The following CDK11B variants were observed in gnomAD, a reference collection of about 807,000 sequenced individuals.
The protein encoded by CDK11B is cyclin dependent kinase 11B.
In CDK11B, 37 loss-of-function variants were observed where a neutral mutation model predicts 84.0. The ratio of observed to expected loss-of-function variants is 0.44; its 90% CI spans 0.34 to 0.58. The LOEUF (loss-of-function observed/expected upper bound fraction) is 0.58. CDK11B is among the 20% of genes least tolerant of loss of function. CDK11B has a pLI of 0.02. For missense variants in CDK11B, 427 were observed against 834.0 expected (o/e 0.51, Z 6.01); for synonymous variants, 269 against 309.8 (o/e 0.87, Z 1.38).
intron 11 of CDK11B, among the ~76,000 whole-genome samples, chr1:1,639,303 G>A (rs1321636044): frequency 6.6e-6 from 1 of 151,792 alleles, no homozygotes; most frequent in South Asian, 2.1e-4. Context: ...TGTAGTTCCA[G>A]CTACTCAGGA....
chr1:1,654,787 T>C (rs901136828), intron 3 of CDK11B, among the ~76,000 whole-genome samples: 1 of 151,730 alleles, frequency 6.6e-6, no homozygotes, highest in Non-Finnish European at 1.5e-5. Flanking sequence ...GCCTCCCGAG[T>C]AGCTGGGACT....
chr1:1,648,928 C>T (rs1641529998), intron 5 of CDK11B, among the ~76,000 whole-genome samples: 1 of 152,104 alleles, frequency 6.6e-6, no homozygotes, highest in Non-Finnish European at 1.5e-5. Flanking sequence ...GCCACCGCGC[C>T]CGGCCGGACA....
At chr1:1,654,154 C>T (rs770778799) in intron 3 of CDK11B, 5 of 464,828 alleles carry the variant, frequency 1.1e-5, no homozygotes, top group South Asian at 7.7e-5. Context: ...TAATTTCTGG[C>T]TGTGTTTCCT....
At chr1:1,657,154 T>G in intron 2 of CDK11B, 2 of 1,524,922 alleles carry the variant, frequency 1.3e-6, no homozygotes, top group Non-Finnish European at 1.8e-6. Context: ...ATTCTCCATG[T>G]ATGCTCAATC....
intron 3 of CDK11B, among the ~76,000 whole-genome samples, chr1:1,653,848 A>ACACACACACC (rs1483488674): frequency 6.7e-6 from 1 of 149,884 alleles, no homozygotes; most frequent in Non-Finnish European, 1.5e-5. Flanking sequence ...ACACACACAC[A>ACACACACACC]CACACACACA....
intron 4 of CDK11B, 93 bp downstream of exon 4, chr1:1,652,346 T>C: frequency 1.8e-6 from 2 of 1,121,270 alleles, no homozygotes; most frequent in East Asian, 2.8e-5. Context: ...CTTTCTCTGG[T>C]TTTTCAGTGG....
chr1:1,646,581 G>T, intron 5 of CDK11B: 2 of 513,534 alleles, frequency 3.9e-6, no homozygotes, highest in South Asian at 2.8e-5. Flanking sequence ...GGATATTGAC[G>T]TCAACCTACA....
At chr1:1,655,253 G>C in intron 3 of CDK11B, 116 bp downstream of exon 3, 1 of 1,282,156 alleles carries the variant, frequency 7.8e-7, no homozygotes, top group Middle Eastern at 2.1e-4. Context: ...GTAACTCTAG[G>C]AAAGAGTAAA....
At chr1:1,637,291 C>T in intron 14 of CDK11B, 89 bp from the exon 15 acceptor site, 1 of 1,572,530 alleles carries the variant, frequency 6.4e-7, no homozygotes, top group Non-Finnish European at 8.6e-7. Context: ...GCAACAGAGG[C>T]TTCTCAGGGC....
Position 1,639,657 on chromosome 1 carries a change from G to C in CDK11B, c.1251+620C>G, listed in dbSNP as rs1222614163. Reference sequence around the variant, plus strand: ...GGGGCAGAGGCGCTCACAAGGCATAGGGCAGTCGACAGAGGCCTGCTGCAT... The same window carrying C: ...GGGGCAGAGGCGCTCACAAGGCATACGGCAGTCGACAGAGGCCTGCTGCAT... On this transcript the variant is annotated intron_variant, in intron 11 of 19. Coordinates refer to ENST00000341832, the MANE Select transcript of CDK11B (RefSeq NM_033486.3). Among the ~76,000 whole-genome samples the C allele has an allele frequency of 5.3e-5, 8 of 151,864 alleles. 1 individual carries two copies. The highest frequency in any genetic ancestry group is 8.8e-5 in the Non-Finnish European group (6 of 67,864).
intron 1 of CDK11B, among the ~76,000 whole-genome samples, chr1:1,658,354 A>G (rs1306863905): frequency 1.3e-5 from 2 of 149,692 alleles, no homozygotes; most frequent in Admixed American, 6.6e-5. Flanking sequence ...CTGAAAAATG[A>G]CCGCTTGAAA....
At chr1:1,651,300 G>A (rs1641969010) in intron 4 of CDK11B, among the ~76,000 whole-genome samples, 1 of 152,226 alleles carries the variant, frequency 6.6e-6, no homozygotes, top group African/African-American at 2.4e-5. Flanking sequence ...GAAAACCCCA[G>A]AGGAAAAATG....
intron 3 of CDK11B, among the ~76,000 whole-genome samples, chr1:1,652,877 C>T (rs1277185784): frequency 7.9e-5 from 12 of 152,026 alleles, no homozygotes; most frequent in South Asian, 2.1e-4. Flanking sequence ...AGGCGCCCGC[C>T]GCCACGCTGG....
rs1440352857 is a variant in CDK11B, at chr1:1,635,590, C to T, written c.*174G>A. The T allele has an allele frequency of 1.7e-5, 8 of 478,836 alleles. 2 individuals are homozygous for T. The East Asian group carries it at 1.7e-4, about 10-fold the overall frequency. 29.7% of individuals were successfully genotyped at this position (478,836 alleles called of 1,614,324 possible). A position where few individuals can be genotyped will look rare whatever the true frequency, so the allele number is the denominator to read the frequency against. On this transcript the variant is annotated 3_prime_UTR_variant, in exon 20 of 20. Coordinates refer to ENST00000341832, the MANE Select transcript of CDK11B (RefSeq NM_033486.3). ...AGTCACGGAGAAAACACAGCTCTTT[C>T]CTCCACAACAAGGAAAATGATTTAA...
rs374179931 is a variant in CDK11B at position 1,636,805 on chromosome 1, G to A, written c.1801-7C>T. 1.9e-6 allele frequency: 3 copies of A among 1,613,506 alleles called. No homozygotes were observed. Among genetic ancestry groups the A allele is most frequent in the East Asian group, 2.2e-5 (1 of 44,886 alleles). On this transcript the variant is annotated splice_region_variant and splice_polypyrimidine_tract_variant and intron_variant, in intron 16 of 19. Coordinates refer to ENST00000341832, the MANE Select transcript of CDK11B (RefSeq NM_033486.3). The stretch of plus-strand genomic sequence containing the variant: ...CCACGGCCGTGGAGTATTCCTAAGA[G>A]GTCAGGAGAGGTGTTCAGGAGGGCC...
intron 5 of CDK11B, among the ~76,000 whole-genome samples, chr1:1,648,387 C>T (rs548724820): frequency 6.6e-6 from 1 of 152,376 alleles, no homozygotes; most frequent in Non-Finnish European, 1.5e-5. Flanking sequence ...ACCTTGCTCA[C>T]CCCGCAGCGG....
chr1:1,651,170 A>T (rs1258123518), intron 4 of CDK11B, among the ~76,000 whole-genome samples: 3 of 152,196 alleles, frequency 2.0e-5, no homozygotes, highest in Non-Finnish European at 2.9e-5. Flanking sequence ...TGCTCAAGCC[A>T]AACCCATTCT....
At chr1:1,649,254 C>G (rs1641582412) in intron 5 of CDK11B, among the ~76,000 whole-genome samples, 1 of 152,158 alleles carries the variant, frequency 6.6e-6, no homozygotes, top group Non-Finnish European at 1.5e-5. Context: ...TGCCCGCCAC[C>G]ATGCCCAGCT....
intron 5 of CDK11B, among the ~76,000 whole-genome samples, chr1:1,647,751 C>G (rs574902274): frequency 3.9e-5 from 6 of 152,376 alleles, no homozygotes; most frequent in Non-Finnish European, 7.3e-5. Context: ...CCCAACCACA[C>G]TGTACTTCAT....
Sources: allele counts gnomAD v4.1 joint callset (sites outside exome capture counted in the v4.1 genomes callset), GRCh38; gene constraint gnomAD v4.1.1; transcripts MANE v1.5; gene names NCBI Gene and HGNC (gene_info 2026-07-23, HGNC 2026-07-21).